The following DTNA variants were observed in gnomAD, a reference collection of about 807,000 sequenced individuals.
DTNA encodes dystrophin-related protein 3.
In DTNA, 43 loss-of-function variants were observed where a neutral mutation model predicts 100.7. That is an observed-to-expected ratio of 0.43 (90% CI 0.33 to 0.55). The LOEUF (loss-of-function observed/expected upper bound fraction) is 0.55. DTNA is among the 20% of genes least tolerant of loss of function. The probability of loss-of-function intolerance (pLI) is 0.04; values close to 1 mark genes in which losing one functional copy is unlikely to be tolerated. For synonymous variants in DTNA, 349 were observed against 347.9 expected (o/e 1.00, Z -0.04); for missense variants, 798 against 953.9 (o/e 0.84, Z 2.15).
intron 1 of DTNA, among the ~76,000 whole-genome samples, chr18:34,737,588 T>C (rs933957215): frequency 6.6e-6 from 1 of 152,206 alleles, no homozygotes; most frequent in Non-Finnish European, 1.5e-5. Flanking sequence ...TAGGCCTCGA[T>C]GTGTGAATTC....
chr18:34,796,910 AGCTCCCCAAGAATAG>A (rs2094997318), intron 4 of DTNA, among the ~76,000 whole-genome samples: 1 of 152,134 alleles, frequency 6.6e-6, no homozygotes, highest in Non-Finnish European at 1.5e-5. Context: ...GCACAGCCAT[AGCTCCCCAAGAATAG>A]CATTCCCTCT....
At chr18:34,597,768 C>T (rs780747355) in intron 1 of DTNA, among the ~76,000 whole-genome samples, 10 of 151,258 alleles carry the variant, frequency 6.6e-5, no homozygotes, top group African/African-American at 9.7e-5. Flanking sequence ...CTTTCCCCAC[C>T]GCCCCCCGCC....
At chr18:34,836,676 T>G (rs1257645201) in intron 11 of DTNA, among the ~76,000 whole-genome samples, 13 of 151,720 alleles carry the variant, frequency 8.6e-5, no homozygotes, top group Admixed American at 8.5e-4. Context: ...AAAGGTCAAT[T>G]TTGTTGGGTA....
chr18:34,746,262 T>C (rs1215585228), intron 1 of DTNA, among the ~76,000 whole-genome samples: 1 of 152,106 alleles, frequency 6.6e-6, no homozygotes, highest in Non-Finnish European at 1.5e-5. Flanking sequence ...TTTATTTATT[T>C]AATATGTAGG....
rs527625004 is a variant in DTNA, at chr18:34,747,738, G to A, written c.-1-8238G>A. Among the ~76,000 whole-genome samples the A allele has an allele frequency of 4.3e-4, 66 of 152,138 alleles. 1 individual carries two copies. In the South Asian group the frequency reaches 0.012, roughly 27 times the overall value. On this transcript the variant is annotated intron_variant, in intron 1 of 22. Coordinates refer to ENST00000444659, the MANE Select transcript of DTNA (RefSeq NM_001386795.1). ...TATACCACATTTTCTTTATCCATTC[G>A]TTGGTTGATGGACACTTAGGTTGGT...
At chr18:34,613,117 A>T (rs1382349515) in intron 1 of DTNA, among the ~76,000 whole-genome samples, 1 of 152,150 alleles carries the variant, frequency 6.6e-6, no homozygotes, top group Non-Finnish European at 1.5e-5. Flanking sequence ...ACTCATTATT[A>T]TCCTATTGAT....
intron 6 of DTNA, 36 bp downstream of exon 6, chr18:34,812,149 C>A: frequency 6.2e-7 from 1 of 1,613,356 alleles, no homozygotes; most frequent in Non-Finnish European, 8.5e-7. Flanking sequence ...GTATCTCTTT[C>A]AAACAGTGGT....
chr18:34,748,271 G>A (rs758965057), intron 1 of DTNA, among the ~76,000 whole-genome samples: 31 of 152,068 alleles, frequency 2.0e-4, no homozygotes, highest in Admixed American at 4.6e-4. Context: ...TGTTTATTCT[G>A]CTGATTATTT....
At chr18:34,861,348 T>C (rs2096622962) in intron 16 of DTNA, among the ~76,000 whole-genome samples, 1 of 151,772 alleles carries the variant, frequency 6.6e-6, no homozygotes, top group East Asian at 1.9e-4. Flanking sequence ...TAGCCGAGCG[T>C]GGTGGCAGGC....
intron 4 of DTNA, among the ~76,000 whole-genome samples, chr18:34,805,391 G>T (rs868584317): frequency 6.6e-6 from 1 of 152,012 alleles, no homozygotes; most frequent in Admixed American, 6.6e-5. Context: ...GTGGCACAAT[G>T]TTGGCTCACT....
In DTNA at chr18:34,811,927, A is replaced by C. The variant is rs1433928511; in HGVS notation, c.449-32A>C. On this transcript the variant is annotated intron_variant, in intron 5 of 22. Coordinates refer to ENST00000444659, the MANE Select transcript of DTNA (RefSeq NM_001386795.1). ...AAAAACAGTGGAGAATGTTCATGTG[A>C]TGAATAATATCTTTCCTTTTCCTTT... 9.3e-6 allele frequency: 15 copies of C among 1,613,196 alleles called. No individual in the cohort carries two copies. The Admixed American group carries it at 1.5e-4, about 16-fold the overall frequency.
intron 13 of DTNA, among the ~76,000 whole-genome samples, chr18:34,845,408 A>G (rs1204669176): frequency 1.3e-5 from 2 of 152,126 alleles, no homozygotes; most frequent in African/African-American, 4.8e-5. Flanking sequence ...TACTTACACT[A>G]GCTAGTCATT....
chr18:34,691,221 A>G (rs1216624522), intron 1 of DTNA, among the ~76,000 whole-genome samples: 1 of 152,188 alleles, frequency 6.6e-6, no homozygotes, highest in Non-Finnish European at 1.5e-5. Context: ...TCTTTTCTGT[A>G]TTCTTCCTCT....
rs143769065 is a variant in DTNA, at chr18:34,869,313, TAC to T, written c.1743+5267_1743+5268del. Reference sequence around the variant, plus strand: ...GGTCCATATTTTACACACACTCACATACACACACACACACACATTCACTTCTC... The same window carrying T: ...GGTCCATATTTTACACACACTCACATACACACACACACACATTCACTTCTC... On this transcript the variant is annotated intron_variant, in intron 17 of 22. Coordinates refer to ENST00000444659, the MANE Select transcript of DTNA (RefSeq NM_001386795.1). Among the ~76,000 whole-genome samples, 281 of 150,808 alleles carry T rather than the reference TAC, an allele frequency of 1.9e-3. 3 individuals are homozygous for T. The highest frequency in any genetic ancestry group is 6.2e-3 in the African/African-American group (255 of 41,266).
In DTNA at chr18:34,818,320, A is replaced by G. The variant is rs1182737110; in HGVS notation, c.866A>G (p.Tyr289Cys). 6.2e-7 allele frequency: 1 copy of G among 1,613,916 alleles called. No homozygotes were observed. ...SHSNQHQMKE[Y>C]TSWKSPAKKL... ...AGCAACCAGCACCAAATGAAAGAGT[A>G]CACGTCATGGGTAAGGCAAGGTCCA... Residue 289 changes from tyrosine to cysteine, a missense_variant, in exon 8 of 23, where the codon TAC becomes TGC. Transcript: ENST00000444659.
At chr18:34,588,847 T>A (rs1448330416) in intron 1 of DTNA, among the ~76,000 whole-genome samples, 5 of 151,522 alleles carry the variant, frequency 3.3e-5, no homozygotes, top group Non-Finnish European at 7.4e-5. Context: ...ATAGTTGAAA[T>A]CATGGTGCAC....
chr18:34,631,149 G>A (rs962735533), intron 1 of DTNA, among the ~76,000 whole-genome samples: 1 of 152,126 alleles, frequency 6.6e-6, no homozygotes, highest in Admixed American at 6.5e-5. Flanking sequence ...TATAGTAGAG[G>A]GGTTTAAAGC....
chr18:34,812,425 C>T lies in DTNA; in HGVS notation c.603+312C>T, dbSNP rs371970401. 9.2e-5 allele frequency among the ~76,000 whole-genome samples: 14 copies of T among 152,208 alleles called. No homozygotes were observed. The East Asian group carries it at 1.4e-3, about 15-fold the overall frequency. Reference sequence around the variant, plus strand: ...TTTCACACTGCTATAAAGACATACCCGAGACTGGGTAATTTATAAAGAAAA... The same window carrying T: ...TTTCACACTGCTATAAAGACATACCTGAGACTGGGTAATTTATAAAGAAAA... On this transcript the variant is annotated intron_variant, in intron 6 of 22. Transcript: ENST00000444659.
At chr18:34,514,679 G>A (rs2041419301) in intron 1 of DTNA, among the ~76,000 whole-genome samples, 1 of 152,024 alleles carries the variant, frequency 6.6e-6, no homozygotes, top group East Asian at 1.9e-4. Context: ...CAAGATTAAG[G>A]CAGTTTTGGT....
Sources: allele counts gnomAD v4.1 joint callset (sites outside exome capture counted in the v4.1 genomes callset), GRCh38; gene constraint gnomAD v4.1.1; transcripts MANE v1.5; gene names NCBI Gene and HGNC (gene_info 2026-07-23, HGNC 2026-07-21).